Variants in ZNF678 observed in about 807,000 individuals in gnomAD.
ZNF678 encodes the protein zinc finger protein 678.
A neutral mutation model predicts 3.0 loss-of-function variants in ZNF678; 5 were observed. The ratio of observed to expected loss-of-function variants is 1.69; its 90% confidence interval spans 0.88 to 3.56. The LOEUF (loss-of-function observed/expected upper bound fraction) is 3.56, where lower values mean the gene tolerates loss of function less well. ZNF678 is among the 30% of genes most tolerant of loss of function. ZNF678 has a pLI of 0.00. For missense variants in ZNF678, 593 were observed against 605.0 expected (o/e 0.98, Z 0.21); for synonymous variants, 218 against 199.6 (o/e 1.09, Z -0.78).
At chr1:227,650,695 G>GT (rs892101747) in intron 2 of ZNF678, among the ~76,000 whole-genome samples, 3 of 151,700 alleles carry the variant, frequency 2.0e-5, no homozygotes, top group Non-Finnish European at 2.9e-5. Flanking sequence ...TTTTTCACTT[G>GT]TTTAAGTTTT....
chr1:227,636,691 T>C (rs1390454718), intron 1 of ZNF678, among the ~76,000 whole-genome samples: 2 of 152,126 alleles, frequency 1.3e-5, no homozygotes, highest in Admixed American at 1.3e-4. Context: ...ACTCCGAGGG[T>C]GCTGCCCACT....
chr1:227,619,535 G>A (rs372437560), intron 1 of ZNF678, among the ~76,000 whole-genome samples: 2 of 150,848 alleles, frequency 1.3e-5, no homozygotes, highest in African/African-American at 2.4e-5. Context: ...GTTTTTCGAC[G>A]GAGTCTTGCT....
chr1:227,590,024 C>G (rs939407885), intron 1 of ZNF678, among the ~76,000 whole-genome samples: 24 of 151,816 alleles, frequency 1.6e-4, no homozygotes, highest in Non-Finnish European at 2.6e-4. Flanking sequence ...TAATACACTT[C>G]TGCTGAAGCA....
At chr1:227,593,305 A>T (rs182904771) in intron 1 of ZNF678, among the ~76,000 whole-genome samples, 3 of 152,244 alleles carry the variant, frequency 2.0e-5, no homozygotes, top group African/African-American at 7.2e-5. Context: ...AGGCATTTGC[A>T]TCTTGGTATC....
At chr1:227,574,726 T>C (rs770128316) in intron 1 of ZNF678, among the ~76,000 whole-genome samples, 1 of 152,206 alleles carries the variant, frequency 6.6e-6, no homozygotes, top group Non-Finnish European at 1.5e-5. Flanking sequence ...TGTCATGAAT[T>C]CTTGGCCCAT....
intron 1 of ZNF678, among the ~76,000 whole-genome samples, chr1:227,597,001 A>G (rs1297843325): frequency 6.6e-6 from 1 of 152,252 alleles, no homozygotes; most frequent in African/African-American, 2.4e-5. Flanking sequence ...TACCCTTCTG[A>G]AAACATCTAC....
At chr1:227,598,269 C>T (rs1313018733) in intron 1 of ZNF678, among the ~76,000 whole-genome samples, 1 of 152,216 alleles carries the variant, frequency 6.6e-6, no homozygotes, top group Admixed American at 6.5e-5. Context: ...GTGGCCCTTT[C>T]ACACAGTGGC....
chr1:227,665,920 G>A (rs6426470), downstream of ZNF678, among the ~76,000 whole-genome samples: 32,974 of 151,980 alleles, frequency 0.22, 3,981 homozygotes, highest in African/African-American at 0.32. Context: ...CCTGTATGCC[G>A]TTTGGCTGTG....
In ZNF678 at chr1:227,658,279, A is replaced by G. The variant is rs959560042; in HGVS notation, c.*2451A>G. On this transcript the variant is annotated 3_prime_UTR_variant, in exon 4 of 4. Coordinates refer to ENST00000343776, the MANE Select transcript of ZNF678 (RefSeq NM_001367909.1). Reference sequence around the variant, plus strand: ...TCATAATTCACAAAGTTGTTTTGACATATAAATGAGGTGAACAAACACAGG... The same window carrying G: ...TCATAATTCACAAAGTTGTTTTGACGTATAAATGAGGTGAACAAACACAGG... The G allele has an allele frequency of 2.6e-5, 4 of 152,050 alleles. No homozygotes were observed. The highest frequency in any genetic ancestry group is 7.2e-5 in the African/African-American group (3 of 41,412). The allele number at this position is 152,050 out of a possible 1,614,324, so 9.4% of individuals were successfully genotyped here. A position where few individuals can be genotyped will look rare whatever the true frequency, so the allele number is the denominator to read the frequency against.
chr1:227,601,094 C>T (rs1429886248), intron 1 of ZNF678, among the ~76,000 whole-genome samples: 1 of 152,064 alleles, frequency 6.6e-6, no homozygotes, highest in Admixed American at 6.6e-5. Context: ...TGTCTGGGCT[C>T]TCTATGCTGT....
chr1:227,599,041 C>A, intron 1 of ZNF678: 4 of 1,574,366 alleles, frequency 2.5e-6, no homozygotes, highest in South Asian at 1.1e-5. Context: ...CCCAGGTAGG[C>A]CTTGGTCGAT....
At chr1:227,598,752 C>T (rs1657658597) in intron 1 of ZNF678, 5 of 528,470 alleles carry the variant, frequency 9.5e-6, no homozygotes, top group Non-Finnish European at 7.0e-6. Flanking sequence ...AGATTTATGT[C>T]AACGGTTCTT....
Position 227,656,920 on chromosome 1 carries a change from G to A in ZNF678, c.*1092G>A, listed in dbSNP as rs1417380792. On this transcript the variant is annotated 3_prime_UTR_variant, in exon 4 of 4. Transcript: ENST00000343776. ...TACCCAAAGTTGTAGGTAACAGATA[G>A]TAACAATACACTACTGGGTAACAGT... is the stretch of plus-strand genomic sequence containing the variant. 6.6e-6 allele frequency: 1 copy of A among 151,936 alleles called. No homozygotes were observed. Among genetic ancestry groups the A allele is most frequent in the Non-Finnish European group, 1.5e-5 (1 of 67,896 alleles). The allele number at this position is 151,936 out of a possible 1,614,324, so 9.4% of individuals were successfully genotyped here. A position where few individuals can be genotyped will look rare whatever the true frequency, so the allele number is the denominator to read the frequency against.
chr1:227,646,535 C>A lies in ZNF678; in HGVS notation c.-163-9C>A, dbSNP rs768469299. 7 of 1,369,596 alleles carry A rather than the reference C, an allele frequency of 5.1e-6. No individual in the cohort carries two copies. Among genetic ancestry groups the A allele is most frequent in the South Asian group, 2.3e-5 (2 of 88,870 alleles). The allele number at this position is 1,369,596 out of a possible 1,614,324, so 84.8% of individuals were successfully genotyped here. On this transcript the variant is annotated splice_polypyrimidine_tract_variant and intron_variant, in intron 1 of 3. Transcript: ENST00000343776. ...TTTGTAAATACGTGTGTATTTTTCC[C>A]CCCCCCAGGGACTACTGGCATTCAG...
chr1:227,575,566 A>G (rs923401907), intron 1 of ZNF678, among the ~76,000 whole-genome samples: 1 of 152,030 alleles, frequency 6.6e-6, no homozygotes, highest in South Asian at 2.1e-4. Flanking sequence ...GTATATGGCA[A>G]TGTTAGTTAT....
At chr1:227,576,391 T>C (rs1656987595) in intron 1 of ZNF678, among the ~76,000 whole-genome samples, 2 of 152,154 alleles carry the variant, frequency 1.3e-5, no homozygotes, top group African/African-American at 4.8e-5. Flanking sequence ...TGCTGCTTTT[T>C]GGTTGGGAAG....
intron 1 of ZNF678, chr1:227,598,378 C>T: frequency 1.4e-6 from 2 of 1,393,674 alleles, no homozygotes; most frequent in Non-Finnish European, 1.9e-6. Flanking sequence ...GAAATTTCCT[C>T]AGACATTGCA....
downstream of ZNF678, among the ~76,000 whole-genome samples, chr1:227,679,236 A>G (rs936157976): frequency 3.3e-5 from 5 of 152,204 alleles, no homozygotes; most frequent in African/African-American, 7.2e-5. Flanking sequence ...GGGCAAAGTT[A>G]TATGTCACCA....
At chr1:227,667,825 C>T (rs781088870) in intron 5 of ZNF678, among the ~76,000 whole-genome samples, 9 of 151,874 alleles carry the variant, frequency 5.9e-5, no homozygotes, top group Non-Finnish European at 1.0e-4. Context: ...TTTATGTCTT[C>T]AATAATGTGA....
Sources: allele counts gnomAD v4.1 joint callset (sites outside exome capture counted in the v4.1 genomes callset), GRCh38; gene constraint gnomAD v4.1.1; transcripts MANE v1.5; gene names NCBI Gene and HGNC (gene_info 2026-07-23, HGNC 2026-07-21).